Variants in ZC3H4 observed in about 807,000 individuals in gnomAD.
ZC3H4 encodes zinc finger CCCH-type containing 4.
A neutral mutation model predicts 108.3 loss-of-function variants in ZC3H4; 13 were observed. The ratio of observed to expected loss-of-function variants is 0.12; its 90% confidence interval spans 0.08 to 0.19. The LOEUF is 0.19. ZC3H4 is among the 10% of genes least tolerant of loss of function. The pLI is 1.00. For synonymous variants in ZC3H4, 917 were observed against 749.6 expected (o/e 1.22, Z -3.65); for missense variants, 1,734 against 1,838.8 (o/e 0.94, Z 1.04).
At chr19:47,076,173 G>A (rs2122767099) in intron 11 of ZC3H4, among the ~76,000 whole-genome samples, 1 of 152,340 alleles carries the variant, frequency 6.6e-6, no homozygotes, top group Non-Finnish European at 1.5e-5. Flanking sequence ...TTCAACGGAT[G>A]ACTGGATAAA....
intron 2 of ZC3H4, among the ~76,000 whole-genome samples, chr19:47,103,852 G>A (rs2057935492): frequency 6.6e-6 from 1 of 152,158 alleles, no homozygotes; most frequent in Non-Finnish European, 1.5e-5. Context: ...GCTGAGGCAG[G>A]AGAATGGCAT....
At chr19:47,112,233 G>A in intron 2 of ZC3H4, 191 bp downstream of exon 2, 1 of 1,173,020 alleles carries the variant, frequency 8.5e-7, no homozygotes, top group East Asian at 3.2e-5. Flanking sequence ...AACGCATGAG[G>A]CCGGGAGAGA....
intron 2 of ZC3H4, among the ~76,000 whole-genome samples, chr19:47,102,685 A>G (rs1163952905): frequency 6.6e-6 from 1 of 152,094 alleles, no homozygotes; most frequent in African/African-American, 2.4e-5. Flanking sequence ...ATATCAAGTG[A>G]AGGAAATGGT....
chr19:47,109,286 G>C (rs1255917853), intron 2 of ZC3H4, among the ~76,000 whole-genome samples: 1 of 152,210 alleles, frequency 6.6e-6, no homozygotes, highest in Non-Finnish European at 1.5e-5. Context: ...CCGTTGTGTT[G>C]ACATGCCTGT....
chr19:47,112,062 C>A, intron 2 of ZC3H4: 1 of 959,542 alleles, frequency 1.0e-6, no homozygotes, highest in Non-Finnish European at 1.2e-6. Context: ...AGCCAGGACC[C>A]CCGTGGGTCT....
In ZC3H4 at chr19:47,112,427, T is replaced by C; in HGVS notation, c.158A>G (p.Asp53Gly). The change falls in exon 2 of 15, where the codon GAC (aspartate) becomes GGC (glycine). Residue 53 changes from aspartate (D) to glycine (G), a missense_variant. Coordinates refer to ENST00000253048, the MANE Select transcript of ZC3H4 (RefSeq NM_015168.2). ...LLHHRLPLPD[D>G]REDGELEEGE... ...CCGGCCCAACCGGGGGCCTGACCTGTCGTCAGGGAGCGGGAGGCGGTGGTG... is the reference window on the plus strand; with the variant it reads ...CCGGCCCAACCGGGGGCCTGACCTGCCGTCAGGGAGCGGGAGGCGGTGGTG... 7 of 1,234,520 alleles carry C rather than the reference T, an allele frequency of 5.7e-6. No homozygotes were observed. The highest frequency in any genetic ancestry group is 7.1e-6 in the Non-Finnish European group (7 of 987,290). 76.5% of individuals were successfully genotyped at this position (1,234,520 alleles called of 1,614,324 possible).
At chr19:47,102,408 T>C (rs898982114) in intron 2 of ZC3H4, among the ~76,000 whole-genome samples, 1 of 152,116 alleles carries the variant, frequency 6.6e-6, no homozygotes, top group Non-Finnish European at 1.5e-5. Context: ...AAATAAGATA[T>C]ACATACATAA....
Position 47,066,307 on chromosome 19 carries a change from T to C in ZC3H4, c.*49A>G. Reference sequence around the variant, plus strand: ...AAGTTCCCTACCCTGGGTGCTGCCCTGAATGCCACCCTAGGAAGGGTGGCT... The same window carrying C: ...AAGTTCCCTACCCTGGGTGCTGCCCCGAATGCCACCCTAGGAAGGGTGGCT... On this transcript the variant is annotated 3_prime_UTR_variant, in exon 15 of 15. Transcript: ENST00000253048. 6.9e-7 allele frequency: 1 copy of C among 1,442,040 alleles called. No homozygotes were observed. Among genetic ancestry groups the C allele is most frequent in the Non-Finnish European group, 9.2e-7 (1 of 1,092,474 alleles). 89.3% of individuals were successfully genotyped at this position (1,442,040 alleles called of 1,614,324 possible). A position where few individuals can be genotyped will look rare whatever the true frequency, so the allele number is the denominator to read the frequency against.
At chr19:47,099,467 A>G (rs1221496392) in intron 2 of ZC3H4, among the ~76,000 whole-genome samples, 1 of 151,018 alleles carries the variant, frequency 6.6e-6, no homozygotes, top group Non-Finnish European at 1.5e-5. Context: ...CTCAAAAAAA[A>G]AAAAAGAAAA....
rs376599174 is a variant in ZC3H4, at chr19:47,085,384, C to T, written c.901G>A (p.Asp301Asn). The change falls in exon 7 of 15, where the codon GAC (aspartate) becomes AAC (asparagine). Residue 301 changes from aspartate (D) to asparagine (N), a missense_variant. Physicochemically the swap from Asp to Asn is conservative, Grantham distance 23. Around this residue, in one of 9 missense-constraint regions of ZC3H4, gnomAD observed 403 missense variants for 457.0 expected, o/e 0.88. Coordinates refer to ENST00000253048, the MANE Select transcript of ZC3H4 (RefSeq NM_015168.2). ...YGESEEPMGDDDYDEYSKELN... is the reference protein window; with the variant it reads ...YGESEEPMGDNDYDEYSKELN... ...TCCTTGGAGTACTCGTCATAGTCGT[C>T]GTCTCCCATTGGCTCCTCACTCTCT... 5.6e-6 allele frequency: 9 copies of T among 1,600,658 alleles called. No individual in the cohort carries two copies. The highest frequency in any genetic ancestry group is 5.4e-5 in the African/African-American group (4 of 74,382).
In ZC3H4 at chr19:47,081,502, C is replaced by G; in HGVS notation, c.1440+11G>C. On this transcript the variant is annotated intron_variant, in intron 11 of 14. Transcript: ENST00000253048. ...CCTGTAGCCGGGGGCCCCGTTACCC[C>G]CGGACATTACCTTATCCAAGAGCTC... 2 of 1,613,710 alleles carry G rather than the reference C, an allele frequency of 1.2e-6. No homozygotes were observed. Among genetic ancestry groups the G allele is most frequent in the Non-Finnish European group, 1.7e-6 (2 of 1,179,654 alleles).
At chr19:47,095,856 T>A (rs2057812241) in intron 2 of ZC3H4, among the ~76,000 whole-genome samples, 1 of 152,112 alleles carries the variant, frequency 6.6e-6, no homozygotes, top group Non-Finnish European at 1.5e-5. Context: ...CCGTCTCAAT[T>A]AACTAGGACA....
In ZC3H4 at chr19:47,072,568, G is replaced by A; in HGVS notation, c.1586C>T (p.Pro529Leu). The A allele has an allele frequency of 6.4e-7, 1 of 1,566,076 alleles. No homozygotes were observed. Among genetic ancestry groups the A allele is most frequent in the Non-Finnish European group, 8.6e-7 (1 of 1,158,680 alleles). ...TPPRPPGPQA[P>L]TSPNGRPMQG... is the part of the protein sequence containing the mutation. ...CATGGGCCTGCCGTTGGGAGAGGTT[G>A]GAGCCTGCGGGCCAGGGGGCCGAGG... The change falls in exon 12 of 15, where the codon CCA becomes CTA. Residue 529 changes from proline (P) to leucine (L), a missense_variant. Transcript: ENST00000253048. This position sits in a 1 kb window ranked among gnomAD's most constrained non-coding sequence, Gnocchi z 5.6.
chr19:47,112,739 G>T, intron 1 of ZC3H4, 150 bp from the exon 2 acceptor site: 1 of 436,374 alleles, frequency 2.3e-6, no homozygotes, highest in Non-Finnish European at 3.8e-6. Context: ...CGCGTAGGCC[G>T]CACGGCCTAG....
At chr19:47,074,217 G>A (rs62136857) in intron 11 of ZC3H4, among the ~76,000 whole-genome samples, 2,463 of 152,288 alleles carry the variant, frequency 0.016, 37 homozygotes, top group South Asian at 0.029. Flanking sequence ...TCAATTCATA[G>A]TGTCTGTCCA....
At chr19:47,079,355 A>G (rs1387157395) in intron 11 of ZC3H4, among the ~76,000 whole-genome samples, 1 of 151,778 alleles carries the variant, frequency 6.6e-6, no homozygotes, top group African/African-American at 2.4e-5. Flanking sequence ...AAGAAAAAAA[A>G]AGTAATTTCA....
intron 2 of ZC3H4, among the ~76,000 whole-genome samples, chr19:47,108,681 G>A (rs1433263663): frequency 6.6e-6 from 1 of 152,218 alleles, no homozygotes; most frequent in Non-Finnish European, 1.5e-5. Flanking sequence ...TCTCCCCTGG[G>A]ATCAGCCTTC....
rs1027816742 is a variant in ZC3H4, at chr19:47,066,141, C to G, written c.*215G>C. 2.6e-5 allele frequency: 11 copies of G among 431,316 alleles called. No individual in the cohort carries two copies. Among genetic ancestry groups the G allele is most frequent in the African/African-American group, 2.1e-4 (10 of 48,750 alleles). 26.7% of individuals were successfully genotyped at this position (431,316 alleles called of 1,614,324 possible). On this transcript the variant is annotated 3_prime_UTR_variant, in exon 15 of 15. Transcript: ENST00000253048. ...GCTCAGCAGGAGCCCCTGAGCCCGCCACACTGACCAGAACTTAAGATGGTT... is the reference window on the plus strand; with the variant it reads ...GCTCAGCAGGAGCCCCTGAGCCCGCGACACTGACCAGAACTTAAGATGGTT...
At chr19:47,094,145 C>T (rs906500208) in intron 3 of ZC3H4, 65 bp from the exon 4 acceptor site, 3 of 1,506,674 alleles carry the variant, frequency 2.0e-6, no homozygotes, top group African/African-American at 2.7e-5. Context: ...CACAGTCAGC[C>T]TCAGGACAAA....
Sources: allele counts gnomAD v4.1 joint callset (sites outside exome capture counted in the v4.1 genomes callset), GRCh38; gene constraint gnomAD v4.1.1; regional missense constraint gnomAD v4.1.1; non-coding constraint Gnocchi (gnomAD v3.1); transcripts MANE v1.5; gene names NCBI Gene and HGNC (gene_info 2026-07-23, HGNC 2026-07-21).